GALNT15: variants seen among roughly 807,000 people sequenced by gnomAD.
The protein encoded by GALNT15 is polypeptide N-acetylgalactosaminyltransferase 15.
In GALNT15, 67 loss-of-function variants were observed where a neutral mutation model predicts 66.8. The ratio of observed to expected loss-of-function variants is 1.00; its 90% CI spans 0.82 to 1.23. The LOEUF is 1.23. Among genes scored for constraint, GALNT15 ranks in the 50% most tolerant of loss-of-function variants. GALNT15 has a pLI of 0.00. For synonymous variants in GALNT15, 313 were observed against 311.5 expected (o/e 1.00, Z -0.05); for missense variants, 827 against 804.3 (o/e 1.03, Z -0.34).
intron 1 of GALNT15, among the ~76,000 whole-genome samples, chr3:16,177,420 C>T (rs946627023): frequency 4.6e-5 from 7 of 152,032 alleles, no homozygotes; most frequent in Admixed American, 3.3e-4. Flanking sequence ...TATGTATGTT[C>T]GTGCATGTGT....
intron 9 of GALNT15, among the ~76,000 whole-genome samples, chr3:16,223,979 C>T (rs1259329328): frequency 6.6e-6 from 1 of 152,178 alleles, no homozygotes; most frequent in African/African-American, 2.4e-5. Context: ...AGTTGTCAGC[C>T]ACCATGTCTG....
Position 16,195,342 on chromosome 3 carries a change from C to T in GALNT15, c.540-418C>T, listed in dbSNP as rs1447990034. On this transcript the variant is annotated intron_variant, in intron 1 of 9. Coordinates refer to ENST00000339732, the MANE Select transcript of GALNT15 (RefSeq NM_054110.5). The surrounding 1 kb of genome is among the most constrained non-coding windows in gnomAD (Gnocchi z 4.6). ...TAGAAATGCAAATTCTTCAGCCCCA[C>T]TCCATCTCCAGAAACTCTGGGGGTG... Among the ~76,000 whole-genome samples, 2 of 152,172 alleles carry T rather than the reference C, an allele frequency of 1.3e-5. No homozygotes were observed. Among genetic ancestry groups the T allele is most frequent in the Non-Finnish European group, 2.9e-5 (2 of 68,044 alleles).
Position 16,186,401 on chromosome 3 carries a change from A to C in GALNT15, c.540-9359A>C, listed in dbSNP as rs1255229844. Reference sequence around the variant, plus strand: ...TTGGCAGTTCCCCAACATGTTAAACATGGAGCTATCATATGGCCAGTAATA... The same window carrying C: ...TTGGCAGTTCCCCAACATGTTAAACCTGGAGCTATCATATGGCCAGTAATA... On this transcript the variant is annotated intron_variant, in intron 1 of 9. Coordinates refer to ENST00000339732, the MANE Select transcript of GALNT15 (RefSeq NM_054110.5). This position sits in a 1 kb window ranked among gnomAD's most constrained non-coding sequence, Gnocchi z 5.1. 6.6e-6 allele frequency among the ~76,000 whole-genome samples: 1 copy of C among 152,238 alleles called. No homozygotes were observed. The highest frequency in any genetic ancestry group is 1.5e-5 in the Non-Finnish European group (1 of 68,042).
rs2063524691 is a variant in GALNT15 at position 16,187,055 on chromosome 3, G to A, written c.540-8705G>A. On this transcript the variant is annotated intron_variant, in intron 1 of 9. Transcript: ENST00000339732. The surrounding 1 kb of genome is among the most constrained non-coding windows in gnomAD (Gnocchi z 5.1). ...CCGAGGCGGGTGGATCATGAGGTCA[G>A]GAGTTCAAGACCAGCCTGACCAACA... Among the ~76,000 whole-genome samples, 1 of 152,130 alleles carries A rather than the reference G, an allele frequency of 6.6e-6. No individual in the cohort carries two copies. Among genetic ancestry groups the A allele is most frequent in the African/African-American group, 2.4e-5 (1 of 41,432 alleles).
chr3:16,247,097 A>AGTGT, the GALNT15 span, among the ~76,000 whole-genome samples: 16,400 of 144,766 alleles, frequency 0.11, 939 homozygotes, highest in South Asian at 0.21. Flanking sequence ...CAAAGACTGT[A>AGTGT]GTGTGTGTGT....
In GALNT15 at chr3:16,224,971, CTAGAGA is replaced by C. The variant is rs1559694997; in HGVS notation, c.1773+2214_1773+2219del. Among the ~76,000 whole-genome samples, 7 of 152,144 alleles carry C rather than the reference CTAGAGA, an allele frequency of 4.6e-5. No individual in the cohort carries two copies. Among genetic ancestry groups the C allele is most frequent in the Admixed American group, 1.3e-4 (2 of 15,274 alleles). On this transcript the variant is annotated intron_variant, in intron 9 of 9. Transcript: ENST00000339732. This position sits in a 1 kb window ranked among gnomAD's most constrained non-coding sequence, Gnocchi z 5.2. ...ATTCTTGCATTGCTATAAAGAAATACTAGAGACTGGGTAATTTATAAGAAAAAAGGT... is the reference window on the plus strand; with the variant it reads ...ATTCTTGCATTGCTATAAAGAAATACCTGGGTAATTTATAAGAAAAAAGGT...
chr3:16,199,994 A>T (rs2063681327), intron 2 of GALNT15, among the ~76,000 whole-genome samples: 1 of 152,194 alleles, frequency 6.6e-6, no homozygotes, highest in African/African-American at 2.4e-5. Flanking sequence ...GCCTGAGACT[A>T]GGTAATTTAT....
the GALNT15 span, among the ~76,000 whole-genome samples, chr3:16,243,460 C>A: frequency 6.6e-6 from 1 of 152,258 alleles, no homozygotes; most frequent in Non-Finnish European, 1.5e-5. Flanking sequence ...GCACCTCCTT[C>A]CTGTGCAGAG....
intron 2 of GALNT15, among the ~76,000 whole-genome samples, chr3:16,196,995 G>C (rs2063645598): frequency 6.6e-6 from 1 of 152,218 alleles, no homozygotes; most frequent in African/African-American, 2.4e-5. Context: ...ATTAGCCAGA[G>C]GCTCTGGGAA....
intron 8 of GALNT15, among the ~76,000 whole-genome samples, chr3:16,221,449 A>G (rs999210272): frequency 1.3e-5 from 2 of 152,186 alleles, no homozygotes; most frequent in Non-Finnish European, 2.9e-5. Flanking sequence ...ACAAGAGGCA[A>G]CTGAAAGTAG....
At position 16,191,579 on chromosome 3, in the gene GALNT15, C is replaced by A. The variant is rs1015744357; in HGVS notation, c.540-4181C>A. ...CTGAGTTACCAGGTGAGACTGCCAC[C>A]CGGCAGAGAATGTTCTGTGAAATCA... On this transcript the variant is annotated intron_variant, in intron 1 of 9. Transcript: ENST00000339732. This position sits in a 1 kb window ranked among gnomAD's most constrained non-coding sequence, Gnocchi z 5.2. Among the ~76,000 whole-genome samples the A allele has an allele frequency of 6.6e-6, 1 of 152,306 alleles. No individual in the cohort carries two copies. The highest frequency in any genetic ancestry group is 6.5e-5 in the Admixed American group (1 of 15,302).
At chr3:16,242,780 A>AAAAAG in the GALNT15 span, among the ~76,000 whole-genome samples, 8 of 152,108 alleles carry the variant, frequency 5.3e-5, no homozygotes, top group South Asian at 6.2e-4. The surrounding 1 kb of genome is among the most constrained non-coding windows in gnomAD (Gnocchi z 5.6). Context: ...CCCTGTCTCA[A>AAAAAG]AAAAGAAAAG....
chr3:16,238,968 G>A, the GALNT15 span, among the ~76,000 whole-genome samples: 4 of 152,254 alleles, frequency 2.6e-5, no homozygotes, highest in South Asian at 8.3e-4. This position sits in a 1 kb window ranked among gnomAD's most constrained non-coding sequence, Gnocchi z 4.8. Flanking sequence ...AGACACCTAT[G>A]ATCCAGGCTC....
At chr3:16,241,552 C>CT in the GALNT15 span, among the ~76,000 whole-genome samples, 1 of 151,532 alleles carries the variant, frequency 6.6e-6, no homozygotes. This position sits in a 1 kb window ranked among gnomAD's most constrained non-coding sequence, Gnocchi z 4.6. Context: ...ACTTTTTTTT[C>CT]TTTTTTTTCT....
At chr3:16,210,517 A>C (rs1049503490) in intron 4 of GALNT15, among the ~76,000 whole-genome samples, 1 of 152,162 alleles carries the variant, frequency 6.6e-6, no homozygotes. Flanking sequence ...CTCTGACTAC[A>C]TCTTTCTCTG....
chr3:16,216,503 A>AAC (rs2124893878), intron 6 of GALNT15, among the ~76,000 whole-genome samples: 1 of 151,198 alleles, frequency 6.6e-6, no homozygotes, highest in African/African-American at 2.4e-5. Flanking sequence ...TGTCTCGGGA[A>AAC]AAAAAAAAAA....
downstream of GALNT15, among the ~76,000 whole-genome samples, chr3:16,231,576 A>G (rs1461901534): frequency 6.6e-6 from 1 of 152,244 alleles, no homozygotes; most frequent in African/African-American, 2.4e-5. This position sits in a 1 kb window ranked among gnomAD's most constrained non-coding sequence, Gnocchi z 4.1. Context: ...GCTTAAAAAA[A>G]GAATCATCAG....
chr3:16,205,012 G>GC lies in GALNT15; in HGVS notation c.912-3484dup, dbSNP rs1249390619. 4.6e-5 allele frequency among the ~76,000 whole-genome samples: 7 copies of GC among 152,246 alleles called. No individual in the cohort carries two copies. The East Asian group carries it at 9.7e-4, about 21-fold the overall frequency. On this transcript the variant is annotated intron_variant, in intron 3 of 9. Transcript: ENST00000339732. ...GCAGCAGGAGGTCAGGATGCCTCCTGCCCCCCCAGAGGGAGCAGCCTTCTT... is the reference window on the plus strand; with the variant it reads ...GCAGCAGGAGGTCAGGATGCCTCCTGCCCCCCCCAGAGGGAGCAGCCTTCTT...
At position 16,191,074 on chromosome 3, in the gene GALNT15, C is replaced by T. The variant is rs2063572409; in HGVS notation, c.540-4686C>T. ...TTGGCCTTTCACATCTCTTAGCAGC[C>T]TGTTTAGTTTATCCCACTCACACTC... is the stretch of plus-strand genomic sequence containing the variant. On this transcript the variant is annotated intron_variant, in intron 1 of 9. Coordinates refer to ENST00000339732, the MANE Select transcript of GALNT15 (RefSeq NM_054110.5). The surrounding 1 kb of genome is among the most constrained non-coding windows in gnomAD (Gnocchi z 5.2). 6.6e-6 allele frequency among the ~76,000 whole-genome samples: 1 copy of T among 152,204 alleles called. No homozygotes were observed. Among genetic ancestry groups the T allele is most frequent in the African/African-American group, 2.4e-5 (1 of 41,444 alleles).
Sources: allele counts gnomAD v4.1 joint callset (sites outside exome capture counted in the v4.1 genomes callset), GRCh38; gene constraint gnomAD v4.1.1; non-coding constraint Gnocchi (gnomAD v3.1); transcripts MANE v1.5; gene names NCBI Gene and HGNC (gene_info 2026-07-23, HGNC 2026-07-21).